Variants in GBF1 observed in about 807,000 individuals in gnomAD.
GBF1 encodes the protein Golgi-specific brefeldin A-resistance guanine nucleotide exchange factor 1.
In GBF1, 114 loss-of-function variants were observed where a neutral mutation model predicts 210.5. The observed-to-expected ratio is 0.54, with a 90% CI of 0.47 to 0.63. The LOEUF is 0.63. Ranked by LOEUF, GBF1 falls within the 30% of genes least tolerant of loss-of-function variation. GBF1 has a pLI of 0.00. For missense variants in GBF1, 1,851 were observed against 2,357.7 expected (o/e 0.79, Z 4.45); for synonymous variants, 850 against 889.2 (o/e 0.96, Z 0.78).
chr10:102,322,893 G>A (rs1182529976), intron 3 of GBF1, among the ~76,000 whole-genome samples: 1 of 151,948 alleles, frequency 6.6e-6, no homozygotes, highest in South Asian at 2.1e-4. Flanking sequence ...GTCCAGCCTG[G>A]GTGACAGAGC....
chr10:102,373,927 T>A (rs2060349638), intron 29 of GBF1, among the ~76,000 whole-genome samples: 2 of 152,224 alleles, frequency 1.3e-5, no homozygotes, highest in Admixed American at 1.3e-4. Flanking sequence ...CACCATGGAA[T>A]ACTATTCAGC....
chr10:102,247,232 T>C (rs892024706), intron 1 of GBF1, among the ~76,000 whole-genome samples: 9 of 152,166 alleles, frequency 5.9e-5, no homozygotes, highest in African/African-American at 2.2e-4. Context: ...AAATTGAAAT[T>C]TCATAATTTC....
At chr10:102,278,467 A>C (rs1342860294) in intron 3 of GBF1, among the ~76,000 whole-genome samples, 2 of 152,128 alleles carry the variant, frequency 1.3e-5, no homozygotes, top group African/African-American at 4.8e-5. Context: ...TTTTATAACT[A>C]CAGACCAGTT....
At chr10:102,290,924 A>T (rs1296412025) in intron 3 of GBF1, among the ~76,000 whole-genome samples, 1 of 152,236 alleles carries the variant, frequency 6.6e-6, no homozygotes, top group Non-Finnish European at 1.5e-5. Flanking sequence ...AATTTAATTG[A>T]CAAAGTGATG....
the GBF1 span, among the ~76,000 whole-genome samples, chr10:102,233,485 G>A: frequency 1.3e-5 from 2 of 151,806 alleles, no homozygotes; most frequent in South Asian, 2.1e-4. Context: ...TGTATTTTTA[G>A]TAGAGACGGG....
intron 2 of GBF1, among the ~76,000 whole-genome samples, chr10:102,259,415 G>C (rs1435564076): frequency 6.6e-6 from 1 of 151,970 alleles, no homozygotes; most frequent in African/African-American, 2.4e-5. Context: ...CTTAGTGATG[G>C]TACTCCTTCT....
rs963755932 is a variant in GBF1, at chr10:102,310,729, A to T, written c.164-33322A>T. Among the ~76,000 whole-genome samples, 3 of 152,222 alleles carry T rather than the reference A, an allele frequency of 2.0e-5. No individual in the cohort carries two copies. In the South Asian group the frequency reaches 6.2e-4, roughly 32 times the overall value. On this transcript the variant is annotated intron_variant, in intron 3 of 39. Transcript: ENST00000369983. Reference sequence around the variant, plus strand: ...GATTTTTCTGTTTATTAGAGGTGACATGAGCAGTGGGGCAGCGGCAAAGAG... The same window carrying T: ...GATTTTTCTGTTTATTAGAGGTGACTTGAGCAGTGGGGCAGCGGCAAAGAG...
Position 102,356,766 on chromosome 10 carries a change from C to CAA in GBF1, c.640-1254_640-1253dup, listed in dbSNP as rs761159635. 9.1e-3 allele frequency among the ~76,000 whole-genome samples: 766 copies of CAA among 84,468 alleles called. 7 individuals are homozygous for CAA. Among genetic ancestry groups the CAA allele is most frequent in the African/African-American group, 0.036 (689 of 19,236 alleles). 55.4% of individuals were successfully genotyped at this position (84,468 alleles called of 152,430 possible). A position where few individuals can be genotyped will look rare whatever the true frequency, so the allele number is the denominator to read the frequency against. ...TGGGTGGCACAGTGAGACTCTGTCTCAAAAAAAAAAAAAAAAAAAATGGGG... is the reference window on the plus strand; with the variant it reads ...TGGGTGGCACAGTGAGACTCTGTCTCAAAAAAAAAAAAAAAAAAAAAATGGGG... On this transcript the variant is annotated intron_variant, in intron 8 of 39. Transcript: ENST00000369983.
Position 102,368,363 on chromosome 10 carries a change from A to G in GBF1, c.2788A>G (p.Met930Val). 2 of 1,613,990 alleles carry G rather than the reference A, an allele frequency of 1.2e-6. No individual in the cohort carries two copies. The highest frequency in any genetic ancestry group is 4.5e-5 in the East Asian group (2 of 44,880). Residue 930 changes from methionine to valine, a missense_variant, in exon 22 of 40, where the codon ATG becomes GTG. Met to Val is a conservative substitution (Grantham distance 21, BLOSUM62 1). Around this residue, in one of 3 missense-constraint regions of GBF1, gnomAD observed 967 missense variants for 1,247.7 expected, o/e 0.78. Coordinates refer to ENST00000369983, the MANE Select transcript of GBF1 (RefSeq NM_001377137.1). Reference protein sequence around the residue: ...TASYDLDLFTMTWGPTIAALS... With the variant: ...TASYDLDLFTVTWGPTIAALS... Reference sequence around the variant, plus strand: ...CAGCTATGATCTTGACCTCTTCACCATGACCTGGGGCCCCACTATTGCTGC... The same window carrying G: ...CAGCTATGATCTTGACCTCTTCACCGTGACCTGGGGCCCCACTATTGCTGC...
At chr10:102,245,423 C>G (rs1299844209), upstream of GBF1, 1 of 152,260 alleles carries the variant, frequency 6.6e-6, no homozygotes, top group Non-Finnish European at 1.5e-5. Context: ...AAGCCAATTT[C>G]CTTTATTCGA....
chr10:102,248,577 A>C (rs887182135), intron 1 of GBF1, among the ~76,000 whole-genome samples: 9 of 151,948 alleles, frequency 5.9e-5, no homozygotes, highest in Non-Finnish European at 5.9e-5. Context: ...ATGTATTAGG[A>C]TTAGTGGGGA....
chr10:102,299,729 A>G (rs2077186837), intron 3 of GBF1, among the ~76,000 whole-genome samples: 1 of 152,162 alleles, frequency 6.6e-6, no homozygotes, highest in Non-Finnish European at 1.5e-5. Context: ...GGTTGTGGTG[A>G]GCCAAGATCA....
chr10:102,355,170 G>T (rs2059220533), intron 8 of GBF1, among the ~76,000 whole-genome samples: 1 of 152,178 alleles, frequency 6.6e-6, no homozygotes, highest in African/African-American at 2.4e-5. Context: ...GGCTGTCTGG[G>T]CTGTCCATCA....
chr10:102,294,861 G>A (rs531690503), intron 3 of GBF1, among the ~76,000 whole-genome samples: 11 of 152,260 alleles, frequency 7.2e-5, no homozygotes, highest in South Asian at 2.1e-4. Flanking sequence ...GCTATACCAC[G>A]TAGGTTTGTG....
intron 3 of GBF1, among the ~76,000 whole-genome samples, chr10:102,289,930 T>G (rs1385996901): frequency 1.3e-5 from 2 of 151,990 alleles, no homozygotes; most frequent in Non-Finnish European, 2.9e-5. Context: ...GGCAACATAG[T>G]GGGACCCCGT....
chr10:102,293,379 T>C (rs2133696276), intron 3 of GBF1, among the ~76,000 whole-genome samples: 1 of 148,894 alleles, frequency 6.7e-6, no homozygotes, highest in African/African-American at 2.4e-5. Context: ...TAATACTTGA[T>C]AATAAATGAC....
intron 3 of GBF1, among the ~76,000 whole-genome samples, chr10:102,337,886 C>T (rs1565126876): frequency 6.6e-6 from 1 of 151,940 alleles, no homozygotes; most frequent in Non-Finnish European, 1.5e-5. Context: ...AAGAAATATC[C>T]TTACTAGTGA....
At chr10:102,356,235 A>C (rs1201989795) in intron 8 of GBF1, among the ~76,000 whole-genome samples, 4 of 152,204 alleles carry the variant, frequency 2.6e-5, no homozygotes, top group Non-Finnish European at 4.4e-5. Flanking sequence ...ATCCCTCACT[A>C]TCAAAAGGAA....
At chr10:102,296,928 C>A (rs2076952747) in intron 3 of GBF1, among the ~76,000 whole-genome samples, 1 of 151,768 alleles carries the variant, frequency 6.6e-6, no homozygotes, top group African/African-American at 2.4e-5. Flanking sequence ...GCCTATAATT[C>A]CAGCTACTTG....
Sources: allele counts gnomAD v4.1 joint callset (sites outside exome capture counted in the v4.1 genomes callset), GRCh38; gene constraint gnomAD v4.1.1; regional missense constraint gnomAD v4.1.1; transcripts MANE v1.5; gene names NCBI Gene and HGNC (gene_info 2026-07-23, HGNC 2026-07-21).